The following ZNRF3 variants were observed in gnomAD, a reference collection of about 807,000 sequenced individuals.
ZNRF3 encodes E3 ubiquitin-protein ligase ZNRF3.
ZNRF3 carries 23 observed loss-of-function variants against 72.5 expected under a neutral mutation model. The observed-to-expected ratio is 0.32, with a 90% confidence interval of 0.23 to 0.45. The LOEUF is 0.45. Ranked by LOEUF, ZNRF3 falls within the 20% of genes least tolerant of loss-of-function variation. The pLI is 1.00. For synonymous variants in ZNRF3, 610 were observed against 545.3 expected, an observed-to-expected ratio of 1.12 and a Z score of -1.65; for missense variants, 1,169 against 1,272.1, an observed-to-expected ratio of 0.92 and a Z score of 1.23.
intron 1 of ZNRF3, among the ~76,000 whole-genome samples, chr22:28,955,648 A>C (rs527836722): frequency 4.2e-4 from 64 of 152,130 alleles, no homozygotes; most frequent in African/African-American, 1.5e-3. Context: ...GACTTTTACT[A>C]CTAAAGACGT....
intron 2 of ZNRF3, among the ~76,000 whole-genome samples, chr22:28,990,520 A>G (rs1245336326): frequency 6.6e-6 from 1 of 152,096 alleles, no homozygotes; most frequent in Non-Finnish European, 1.5e-5. Context: ...TCCCATCTCT[A>G]CTAAAAATAC....
At chr22:29,023,369 A>G (rs970075567) in intron 2 of ZNRF3, among the ~76,000 whole-genome samples, 1 of 152,200 alleles carries the variant, frequency 6.6e-6, no homozygotes, top group Non-Finnish European at 1.5e-5. Flanking sequence ...AATCTTGGAC[A>G]TGGGACTAGG....
intron 1 of ZNRF3, among the ~76,000 whole-genome samples, chr22:28,952,642 T>A (rs2035186036): frequency 1.3e-5 from 2 of 152,206 alleles, no homozygotes; most frequent in South Asian, 4.1e-4. Context: ...AGCAGTTTGC[T>A]TCTATTAAGA....
At chr22:28,921,784 GGACT>G in intron 1 of ZNRF3, among the ~76,000 whole-genome samples, 1 of 152,150 alleles carries the variant, frequency 6.6e-6, no homozygotes, top group South Asian at 2.1e-4. Context: ...CAAAGATCTG[GGACT>G]GAAATGCTAT....
chr22:29,037,870 CAT>C (rs943180495), intron 2 of ZNRF3, among the ~76,000 whole-genome samples: 4 of 152,172 alleles, frequency 2.6e-5, no homozygotes, highest in Admixed American at 2.0e-4. Flanking sequence ...GGGAAGGGCA[CAT>C]AGAGGGCAGC....
chr22:28,956,956 T>C (rs534305370), intron 1 of ZNRF3, among the ~76,000 whole-genome samples: 43 of 152,350 alleles, frequency 2.8e-4, no homozygotes, highest in African/African-American at 1.0e-3. Flanking sequence ...ACCAGGAGTC[T>C]TGGCTGGCCT....
intron 8 of ZNRF3, among the ~76,000 whole-genome samples, chr22:29,051,151 G>A (rs1030472810): frequency 6.6e-6 from 1 of 152,030 alleles, no homozygotes; most frequent in Non-Finnish European, 1.5e-5. Context: ...CCATGATCTC[G>A]GGATCTCTCC....
At chr22:28,916,067 A>G (rs749191617) in intron 1 of ZNRF3, among the ~76,000 whole-genome samples, 6 of 152,090 alleles carry the variant, frequency 3.9e-5, no homozygotes, top group Non-Finnish European at 8.8e-5. Flanking sequence ...TTTAAATTAC[A>G]TTTAATTTTT....
intron 2 of ZNRF3, among the ~76,000 whole-genome samples, chr22:29,040,187 T>C (rs530461834): frequency 4.0e-4 from 57 of 143,642 alleles, no homozygotes; most frequent in East Asian, 3.8e-3. Flanking sequence ...CCCCTCCCCC[T>C]TTTTTTTTTT....
intron 2 of ZNRF3, chr22:29,018,193 G>A: frequency 2.7e-6 from 1 of 365,202 alleles, no homozygotes; most frequent in Non-Finnish European, 5.5e-6. Context: ...AGGGCATCAT[G>A]TATGGAATGA....
At chr22:28,987,266 A>T in intron 2 of ZNRF3, 65 bp downstream of exon 2, 1 of 1,559,990 alleles carries the variant, frequency 6.4e-7, no homozygotes, top group Non-Finnish European at 8.6e-7. Context: ...CCATTTCAGC[A>T]TTCCTCAAAT....
rs1246732311 is a variant in ZNRF3, at chr22:29,049,146, G to C, written c.1016-51G>C. 9 of 1,516,422 alleles carry C rather than the reference G, an allele frequency of 5.9e-6. No individual in the cohort carries two copies. The highest frequency in any genetic ancestry group is 7.1e-6 in the Non-Finnish European group (8 of 1,128,046). 93.9% of individuals were successfully genotyped at this position (1,516,422 alleles called of 1,614,324 possible). A position where few individuals can be genotyped will look rare whatever the true frequency, so the allele number is the denominator to read the frequency against. ...CGTTTTAAAAATCCCTTTAGCCTCT[G>C]ACACCAGTATGCTCAGCCCTGCCTA... On this transcript the variant is annotated intron_variant, in intron 7 of 8. Coordinates refer to ENST00000544604, the MANE Select transcript of ZNRF3 (RefSeq NM_001206998.2). The surrounding 1 kb of genome is among the most constrained non-coding windows in gnomAD (Gnocchi z 5.2).
At chr22:28,916,118 A>G (rs563064061) in intron 1 of ZNRF3, among the ~76,000 whole-genome samples, 2 of 152,280 alleles carry the variant, frequency 1.3e-5, no homozygotes, top group East Asian at 1.9e-4. Flanking sequence ...CCAGAGTACA[A>G]TGGTGCCATC....
intron 1 of ZNRF3, among the ~76,000 whole-genome samples, chr22:28,972,424 T>C (rs570303927): frequency 1.1e-4 from 16 of 152,240 alleles, no homozygotes; most frequent in Non-Finnish European, 1.9e-4. Flanking sequence ...TTATTCCTGT[T>C]GTAGCATATA....
At chr22:28,903,448 G>A (rs751728893) in intron 1 of ZNRF3, among the ~76,000 whole-genome samples, 6 of 152,198 alleles carry the variant, frequency 3.9e-5, no homozygotes, top group African/African-American at 2.4e-5. Flanking sequence ...TGACTTCAGC[G>A]CTTGGTTTGA....
intron 1 of ZNRF3, 39 bp downstream of exon 1, chr22:28,884,105 A>G (rs1016568895): frequency 4.8e-5 from 55 of 1,149,358 alleles, no homozygotes; most frequent in African/African-American, 2.8e-4. Flanking sequence ...CGCCTCCGCC[A>G]CAAGATGGCT....
chr22:29,049,153 G>C lies in ZNRF3; in HGVS notation c.1016-44G>C. Reference sequence around the variant, plus strand: ...AAAATCCCTTTAGCCTCTGACACCAGTATGCTCAGCCCTGCCTACTCTGTT... The same window carrying C: ...AAAATCCCTTTAGCCTCTGACACCACTATGCTCAGCCCTGCCTACTCTGTT... On this transcript the variant is annotated intron_variant, in intron 7 of 8. Transcript: ENST00000544604. This position sits in a 1 kb window ranked among gnomAD's most constrained non-coding sequence, Gnocchi z 5.2. 6.5e-7 allele frequency: 1 copy of C among 1,533,106 alleles called. No homozygotes were observed. The highest frequency in any genetic ancestry group is 8.8e-7 in the Non-Finnish European group (1 of 1,138,060). 95.0% of individuals were successfully genotyped at this position (1,533,106 alleles called of 1,614,324 possible). A position where few individuals can be genotyped will look rare whatever the true frequency, so the allele number is the denominator to read the frequency against.
chr22:29,006,735 T>C lies in ZNRF3; in HGVS notation c.426+19534T>C, dbSNP rs1184219815. 2.0e-5 allele frequency among the ~76,000 whole-genome samples: 3 copies of C among 152,236 alleles called. No homozygotes were observed. In the East Asian group the frequency reaches 5.8e-4, roughly 29 times the overall value. On this transcript the variant is annotated intron_variant, in intron 2 of 8. Transcript: ENST00000544604. Reference sequence around the variant, plus strand: ...TGCACCTATTTGGTATTAACTCTAATTTCTACTTGTAACTCATGATTCTGG... The same window carrying C: ...TGCACCTATTTGGTATTAACTCTAACTTCTACTTGTAACTCATGATTCTGG...
chr22:29,043,289 T>G lies in ZNRF3; in HGVS notation c.502-10T>G. The stretch of plus-strand genomic sequence containing the variant: ...GCACCTTTTAACCAGAGCCCTCTCT[T>G]CTTCCTTAGCTGAACCAGGGCTCTG... On this transcript the variant is annotated splice_polypyrimidine_tract_variant and intron_variant, in intron 3 of 8. Transcript: ENST00000544604. 1 of 1,613,268 alleles carries G rather than the reference T, an allele frequency of 6.2e-7. No homozygotes were observed. The highest frequency in any genetic ancestry group is 8.5e-7 in the Non-Finnish European group (1 of 1,179,706).
Sources: allele counts gnomAD v4.1 joint callset (sites outside exome capture counted in the v4.1 genomes callset), GRCh38; gene constraint gnomAD v4.1.1; non-coding constraint Gnocchi (gnomAD v3.1); transcripts MANE v1.5; gene names NCBI Gene and HGNC (gene_info 2026-07-23, HGNC 2026-07-21).